BMPR1A: variants seen among roughly 807,000 people sequenced by gnomAD.
The protein encoded by BMPR1A is bone morphogenetic protein receptor type-1A.
Under a neutral mutation model 66.0 loss-of-function variants are expected in BMPR1A, and 7 were observed. That is an observed-to-expected ratio of 0.11 (90% CI 0.06 to 0.20). BMPR1A has a LOEUF of 0.20. Among genes scored for constraint, BMPR1A ranks in the 10% least tolerant of loss-of-function variants. BMPR1A has a pLI of 1.00. For synonymous variants in BMPR1A, 200 were observed against 229.7 expected, an observed-to-expected ratio of 0.87 and a Z score of 1.17; for missense variants, 408 against 669.1, an observed-to-expected ratio of 0.61 and a Z score of 4.31.
chr10:86,866,672 C>A (rs1288693537), intron 2 of BMPR1A, among the ~76,000 whole-genome samples: 1 of 150,726 alleles, frequency 6.6e-6, no homozygotes, highest in Non-Finnish European at 1.5e-5. Context: ...CCAACTCAGG[C>A]AAGTTTCTTT....
intron 1 of BMPR1A, among the ~76,000 whole-genome samples, chr10:86,780,273 A>C (rs188331465): frequency 6.6e-6 from 1 of 152,070 alleles, no homozygotes; most frequent in Non-Finnish European, 1.5e-5. Context: ...CATGATGTTA[A>C]TGGGTTCTTT....
At position 86,926,799 on chromosome 10, in the gene BMPR1A, A is replaced by T. The variant is rs543723818; in HGVS notation, c.*3080A>T. The T allele has an allele frequency of 1.1e-4, 20 of 190,028 alleles. No individual in the cohort carries two copies. In the South Asian group the frequency reaches 3.5e-3, roughly 33 times the overall value. 11.8% of individuals were successfully genotyped at this position (190,028 alleles called of 1,614,324 possible). A position where few individuals can be genotyped will look rare whatever the true frequency, so the allele number is the denominator to read the frequency against. On this transcript the variant is annotated 3_prime_UTR_variant, in exon 13 of 13. Transcript: ENST00000372037. ...AAATAATTAAAATATAAAAGCAAAC[A>T]ACCCAAACTACCTGACTATAAACAG...
chr10:86,855,848 C>A, intron 2 of BMPR1A: 3 of 847,602 alleles, frequency 3.5e-6, no homozygotes, highest in Non-Finnish European at 5.7e-6. Context: ...ATCACTGCTG[C>A]TGTCATTATG....
intron 2 of BMPR1A, among the ~76,000 whole-genome samples, chr10:86,874,986 TC>T (rs1377453525): frequency 1.3e-5 from 2 of 151,722 alleles, no homozygotes; most frequent in African/African-American, 4.8e-5. Flanking sequence ...CACCTTGGCC[TC>T]CCAAAGTGCT....
At chr10:86,846,747 C>A (rs936252505) in intron 2 of BMPR1A, among the ~76,000 whole-genome samples, 2 of 152,062 alleles carry the variant, frequency 1.3e-5, no homozygotes. Flanking sequence ...CACCCACTTG[C>A]TTCTGTAGAG....
chr10:86,760,660 TG>T (rs1207818941), intron 1 of BMPR1A, among the ~76,000 whole-genome samples: 1 of 152,144 alleles, frequency 6.6e-6, no homozygotes, highest in East Asian at 1.9e-4. Context: ...TAACAGTAGC[TG>T]TTGAACTGTC....
chr10:86,901,850 A>G (rs1843314617), intron 7 of BMPR1A, among the ~76,000 whole-genome samples: 1 of 151,896 alleles, frequency 6.6e-6, no homozygotes, highest in Non-Finnish European at 1.5e-5. Context: ...GGGCACTGTA[A>G]TGTATATATT....
chr10:86,790,425 A>G lies in BMPR1A; in HGVS notation c.-268+33506A>G, dbSNP rs1841599041. The stretch of plus-strand genomic sequence containing the variant: ...TCAAAAAGCTAAATGTTGAGTTTCC[A>G]TATGATCCAGCAGTTCCACTCCTAG... On this transcript the variant is annotated intron_variant, in intron 1 of 12. Coordinates refer to ENST00000372037, the MANE Select transcript of BMPR1A (RefSeq NM_004329.3). 4.0e-5 allele frequency among the ~76,000 whole-genome samples: 6 copies of G among 151,804 alleles called. No individual in the cohort carries two copies. The South Asian group carries it at 8.3e-4, about 21-fold the overall frequency.
chr10:86,906,442 G>GTCTCTTCT (rs1589285684), intron 7 of BMPR1A, among the ~76,000 whole-genome samples: 1 of 104,430 alleles, frequency 9.6e-6, no homozygotes. Flanking sequence ...CCTTTTGGCT[G>GTCTCTTCT]GGCGCGGTGG....
At chr10:86,784,651 G>A (rs1213469880) in intron 1 of BMPR1A, among the ~76,000 whole-genome samples, 3 of 151,962 alleles carry the variant, frequency 2.0e-5, no homozygotes, top group Admixed American at 2.0e-4. Flanking sequence ...TTTGTTGTTG[G>A]GAAGTTTTTA....
At chr10:86,756,337 A>C (rs931100328), upstream of BMPR1A, 2 of 151,942 alleles carry the variant, frequency 1.3e-5, no homozygotes, top group Non-Finnish European at 2.9e-5. Context: ...GCCCGCGCGG[A>C]GGAGCAGCCC....
intron 1 of BMPR1A, among the ~76,000 whole-genome samples, chr10:86,816,439 C>G (rs1351491946): frequency 6.6e-6 from 1 of 152,108 alleles, no homozygotes; most frequent in African/African-American, 2.4e-5. Flanking sequence ...TTCAGTACCC[C>G]TCCCTCATTT....
downstream of BMPR1A, chr10:86,929,476 C>T (rs1843788472): frequency 6.6e-6 from 1 of 152,178 alleles, no homozygotes; most frequent in African/African-American, 2.4e-5. Flanking sequence ...TGAATTCATC[C>T]CAGCAGTGTG....
chr10:86,876,033 C>T lies in BMPR1A; in HGVS notation c.15C>T (p.Tyr5=), dbSNP rs1392086533. 6.2e-7 allele frequency: 1 copy of T among 1,610,592 alleles called. No individual in the cohort carries two copies. Among genetic ancestry groups the T allele is most frequent in the South Asian group, 1.1e-5 (1 of 91,010 alleles). The change falls in exon 3 of 13, where the codon TAC becomes TAT. Residue 5 remains tyrosine, a synonymous_variant. Coordinates refer to ENST00000372037, the MANE Select transcript of BMPR1A (RefSeq NM_004329.3). MPQL[Y]IYIRLLGAYL... ...ACAATTGAACAATGCCTCAGCTATA[C>T]ATTTACATCAGATTATTGGGAGCCT...
intron 2 of BMPR1A, among the ~76,000 whole-genome samples, chr10:86,842,268 A>G (rs1231909039): frequency 6.6e-5 from 10 of 152,102 alleles, no homozygotes; most frequent in Non-Finnish European, 1.5e-5. Context: ...GATGGGGAGA[A>G]ACCCTCACAC....
At chr10:86,761,734 T>C (rs1009491510) in intron 1 of BMPR1A, among the ~76,000 whole-genome samples, 3 of 152,182 alleles carry the variant, frequency 2.0e-5, no homozygotes, top group Admixed American at 6.5e-5. Flanking sequence ...CTGGAATGGA[T>C]AGGAGGCGAT....
At chr10:86,805,622 G>C (rs376714488) in intron 1 of BMPR1A, among the ~76,000 whole-genome samples, 10 of 151,748 alleles carry the variant, frequency 6.6e-5, no homozygotes, top group Admixed American at 6.6e-4. Flanking sequence ...CCACCACGCT[G>C]GGCTAATTTT....
chr10:86,863,964 A>G (rs1392574029), intron 2 of BMPR1A, among the ~76,000 whole-genome samples: 1 of 152,250 alleles, frequency 6.6e-6, no homozygotes, highest in South Asian at 2.1e-4. Context: ...TGGGAAGGGA[A>G]AAAAAGTAAA....
chr10:86,874,236 A>G (rs994918613), intron 2 of BMPR1A, among the ~76,000 whole-genome samples: 1 of 152,230 alleles, frequency 6.6e-6, no homozygotes, highest in Non-Finnish European at 1.5e-5. Flanking sequence ...ACTTTGAGGC[A>G]TTTAAAAGTT....
Sources: gnomAD v4.1 joint callset for allele counts (sites outside exome capture counted in the v4.1 genomes callset) on GRCh38, gnomAD v4.1.1 for gene constraint, MANE v1.5 for transcripts, NCBI Gene and HGNC (gene_info 2026-07-23, HGNC 2026-07-21) for gene names.